Variants in CCDC7 observed in about 807,000 individuals in gnomAD.
The protein encoded by CCDC7 is coiled-coil domain containing 7.
CCDC7 carries 183 observed loss-of-function variants against 196.9 expected under a neutral mutation model. The observed-to-expected ratio is 0.93, with a 90% CI of 0.82 to 1.05. The LOEUF is 1.05. Among genes scored for constraint, CCDC7 ranks in the 50% least tolerant of loss-of-function variants. The pLI is 0.00. For missense variants in CCDC7, 1,540 were observed against 1,482.2 expected (o/e 1.04, Z -0.64); for synonymous variants, 525 against 484.6 (o/e 1.08, Z -1.10).
chr10:32,781,162 A>G (rs1030020838), intron 29 of CCDC7, among the ~76,000 whole-genome samples: 1 of 152,256 alleles, frequency 6.6e-6, no homozygotes, highest in Admixed American at 6.5e-5. Context: ...ACTGAATCCT[A>G]ATTAAAATTT....
At chr10:32,483,505 T>A (rs2040387072) in intron 8 of CCDC7, among the ~76,000 whole-genome samples, 1 of 152,234 alleles carries the variant, frequency 6.6e-6, no homozygotes, top group African/African-American at 2.4e-5. Flanking sequence ...TTTAATTCGA[T>A]CCCATTTGTC....
chr10:32,833,773 T>C (rs1367672561), intron 32 of CCDC7, among the ~76,000 whole-genome samples: 1 of 152,116 alleles, frequency 6.6e-6, no homozygotes, highest in Non-Finnish European at 1.5e-5. Context: ...CCTATTTCTA[T>C]ACAGATTGTA....
At chr10:32,599,010 A>G (rs187563893) in intron 18 of CCDC7, among the ~76,000 whole-genome samples, 1 of 152,260 alleles carries the variant, frequency 6.6e-6, no homozygotes, top group Non-Finnish European at 1.5e-5. Context: ...AAAGAAGAGT[A>G]TCTATATCTC....
chr10:32,833,016 C>A (rs1445653983), intron 32 of CCDC7, among the ~76,000 whole-genome samples: 2 of 151,818 alleles, frequency 1.3e-5, no homozygotes, highest in Non-Finnish European at 2.9e-5. Flanking sequence ...TAAAAAGAAC[C>A]AGAAACTATA....
At chr10:32,461,861 TC>T (rs2035824626) in intron 3 of CCDC7, among the ~76,000 whole-genome samples, 1 of 150,834 alleles carries the variant, frequency 6.6e-6, no homozygotes, top group East Asian at 1.9e-4. Context: ...AACCTCCGCC[TC>T]CCGGGTTCAA....
chr10:32,846,817 G>A (rs568189996), intron 37 of CCDC7, among the ~76,000 whole-genome samples: 2 of 152,182 alleles, frequency 1.3e-5, no homozygotes, highest in Non-Finnish European at 1.5e-5. Flanking sequence ...TGAAGACTGC[G>A]ATGACAAGAG....
intron 11 of CCDC7, among the ~76,000 whole-genome samples, chr10:32,530,443 T>C (rs2049455715): frequency 1.3e-5 from 2 of 152,176 alleles, no homozygotes; most frequent in Admixed American, 1.3e-4. Flanking sequence ...GGGGAAAAAC[T>C]GAAGGCCTTT....
chr10:32,468,744 G>A (rs796635587), intron 5 of CCDC7, among the ~76,000 whole-genome samples: 5 of 140,276 alleles, frequency 3.6e-5, no homozygotes, highest in African/African-American at 1.2e-4. Context: ...TTTCTTTTGT[G>A]AGTCTCTGAG....
intron 20 of CCDC7, among the ~76,000 whole-genome samples, chr10:32,639,731 C>T (rs2066364645): frequency 6.6e-6 from 1 of 151,784 alleles, no homozygotes; most frequent in Non-Finnish European, 1.5e-5. Flanking sequence ...GGCTTCACGC[C>T]ATTCTCCTGC....
At chr10:32,802,353 C>T (rs1197193607) in intron 29 of CCDC7, among the ~76,000 whole-genome samples, 3 of 152,140 alleles carry the variant, frequency 2.0e-5, no homozygotes, top group African/African-American at 7.2e-5. Context: ...ATTTATTTTG[C>T]ATAACTCTCT....
chr10:32,562,135 G>C (rs920436181), intron 13 of CCDC7, among the ~76,000 whole-genome samples: 5 of 152,102 alleles, frequency 3.3e-5, no homozygotes, highest in Non-Finnish European at 7.3e-5. Flanking sequence ...CGAATAACAG[G>C]CTCTGAAATT....
At chr10:32,471,871 A>G (rs2038023616) in intron 6 of CCDC7, among the ~76,000 whole-genome samples, 2 of 152,196 alleles carry the variant, frequency 1.3e-5, no homozygotes, top group Non-Finnish European at 1.5e-5. Context: ...TTGCATAAGT[A>G]GATCCTTGGT....
chr10:32,458,574 C>A (rs1425024472), intron 3 of CCDC7, among the ~76,000 whole-genome samples: 1 of 151,110 alleles, frequency 6.6e-6, no homozygotes, highest in East Asian at 1.9e-4. Context: ...GCCTCGAACT[C>A]CTGGGCTTGA....
intron 22 of CCDC7, among the ~76,000 whole-genome samples, chr10:32,687,219 C>G (rs1341671238): frequency 6.6e-6 from 1 of 152,170 alleles, no homozygotes. Context: ...GAAATAGTCT[C>G]ATGAACATCT....
At chr10:32,794,236 T>G (rs1036336405) in intron 29 of CCDC7, among the ~76,000 whole-genome samples, 1 of 152,198 alleles carries the variant, frequency 6.6e-6, no homozygotes, top group Non-Finnish European at 1.5e-5. Context: ...GCATCTATGT[T>G]GCTGCAAAGG....
At chr10:32,763,112 T>C (rs1266291875) in intron 28 of CCDC7, among the ~76,000 whole-genome samples, 1 of 151,962 alleles carries the variant, frequency 6.6e-6, no homozygotes, top group African/African-American at 2.4e-5. Context: ...TCATATATTG[T>C]TAGGTAAGCA....
chr10:32,590,891 T>A (rs2137823142), intron 18 of CCDC7, among the ~76,000 whole-genome samples: 1 of 152,290 alleles, frequency 6.6e-6, no homozygotes, highest in Non-Finnish European at 1.5e-5. Context: ...TTTTTTTCCC[T>A]CTTGCTGCTT....
chr10:32,603,103 C>G (rs1196930390), intron 18 of CCDC7, among the ~76,000 whole-genome samples: 2 of 152,062 alleles, frequency 1.3e-5, no homozygotes, highest in African/African-American at 4.8e-5. Context: ...GCTTCATTCT[C>G]CCACCCCTTC....
chr10:32,646,995 G>A (rs927700833), intron 20 of CCDC7, among the ~76,000 whole-genome samples: 1 of 152,162 alleles, frequency 6.6e-6, no homozygotes, highest in Non-Finnish European at 1.5e-5. Flanking sequence ...GTTGGGCAAC[G>A]AGATTGATTC....
Sources: allele counts gnomAD v4.1 joint callset (sites outside exome capture counted in the v4.1 genomes callset), GRCh38; gene constraint gnomAD v4.1.1; transcripts MANE v1.5; gene names NCBI Gene and HGNC (gene_info 2026-07-23, HGNC 2026-07-21).